BCL2L13: variants seen among roughly 807,000 people sequenced by gnomAD.
BCL2L13 encodes the protein BCL2 like 13.
A neutral mutation model predicts 25.8 loss-of-function variants in BCL2L13; 13 were observed. That is an observed-to-expected ratio of 0.50 (90% CI 0.33 to 0.80). The LOEUF (loss-of-function observed/expected upper bound fraction) is 0.80, where lower values mean the gene tolerates loss of function less well. BCL2L13 is among the 30% of genes least tolerant of loss of function. The pLI, the probability that BCL2L13 is intolerant of heterozygous loss-of-function variation, is 0.02. For missense variants in BCL2L13, 504 were observed against 574.9 expected (o/e 0.88, Z 1.26); for synonymous variants, 244 against 230.3 (o/e 1.06, Z -0.54).
chr22:17,660,002 C>A lies in BCL2L13; in HGVS notation c.121+4170C>A, dbSNP rs1002082502. ...TCCCGAGTAGCTGGGACTACAGGCA[C>A]GCGCCACTGCGCCGAGCTCATTTTT... On this transcript the variant is annotated intron_variant, in intron 2 of 6. Transcript: ENST00000317582. Among the ~76,000 whole-genome samples, 38 of 146,008 alleles carry A rather than the reference C, an allele frequency of 2.6e-4. 2 individuals carry two copies. Among genetic ancestry groups the A allele is most frequent in the Non-Finnish European group, 3.1e-5 (2 of 64,204 alleles).
At chr22:17,681,424 G>C (rs1404308203) in intron 2 of BCL2L13, among the ~76,000 whole-genome samples, 1 of 151,826 alleles carries the variant, frequency 6.6e-6, no homozygotes, top group African/African-American at 2.4e-5. Flanking sequence ...GCGTGAACCT[G>C]GGAGGCGGAG....
At chr22:17,642,739 A>G (rs1191875393) in intron 1 of BCL2L13, among the ~76,000 whole-genome samples, 2 of 151,904 alleles carry the variant, frequency 1.3e-5, no homozygotes, top group Non-Finnish European at 2.9e-5. Context: ...GATTATGGGC[A>G]CACACCACCA....
chr22:17,641,956 C>T (rs534916791), intron 1 of BCL2L13, among the ~76,000 whole-genome samples: 6 of 151,702 alleles, frequency 4.0e-5, no homozygotes, highest in African/African-American at 1.2e-4. Flanking sequence ...CCCGCCACCA[C>T]GCCCGGCTGA....
At chr22:17,683,881 A>G (rs955465481) in intron 3 of BCL2L13, among the ~76,000 whole-genome samples, 1 of 127,012 alleles carries the variant, frequency 7.9e-6, no homozygotes, top group Non-Finnish European at 1.7e-5. Context: ...TATTATTATT[A>G]TTACTATTTC....
At chr22:17,660,767 G>GT (rs1218524382) in intron 2 of BCL2L13, among the ~76,000 whole-genome samples, 1 of 145,856 alleles carries the variant, frequency 6.9e-6, no homozygotes, top group Non-Finnish European at 1.6e-5. Context: ...CTTTTGTAAT[G>GT]TTTTTTATTA....
upstream of BCL2L13, chr22:17,638,698 C>T: frequency 8.1e-7 from 1 of 1,231,688 alleles, no homozygotes; most frequent in Middle Eastern, 3.1e-4. Flanking sequence ...TTCCGGATGT[C>T]AGGTAGTTCA....
intron 3 of BCL2L13, among the ~76,000 whole-genome samples, chr22:17,683,844 C>CATTATT (rs57407987): frequency 0.01 from 1,504 of 144,402 alleles, 20 homozygotes; most frequent in African/African-American, 0.032. Context: ...TCAGTCATTC[C>CATTATT]ATTATTATTA....
chr22:17,687,356 T>G (rs927154565), intron 3 of BCL2L13, among the ~76,000 whole-genome samples: 14 of 152,136 alleles, frequency 9.2e-5, no homozygotes, highest in Non-Finnish European at 1.5e-4. Flanking sequence ...GGTTATTTTT[T>G]GGGGAGACAG....
In BCL2L13 at chr22:17,655,698, C is replaced by T. The variant is rs781162429; in HGVS notation, c.-14C>T. 2 of 1,608,700 alleles carry T rather than the reference C, an allele frequency of 1.2e-6. No individual in the cohort carries two copies. The highest frequency in any genetic ancestry group is 1.7e-6 in the Non-Finnish European group (2 of 1,178,016). On this transcript the variant is annotated 5_prime_UTR_variant, in exon 2 of 7. Transcript: ENST00000317582. ...CCATAAGTAGACCTTTTTGGAGCCT[C>T]ACCAGCCAATTCAATGGCGTCCTCT...
In BCL2L13 at chr22:17,701,359, C is replaced by T. The variant is rs765972042; in HGVS notation, c.457-884C>T. Among the ~76,000 whole-genome samples, 3 of 152,140 alleles carry T rather than the reference C, an allele frequency of 2.0e-5. No homozygotes were observed. In the South Asian group the frequency reaches 6.2e-4, roughly 32 times the overall value. On this transcript the variant is annotated intron_variant, in intron 5 of 6. Transcript: ENST00000317582. ...TTTCTCTCATCCTTGTTGCCAGTCA[C>T]CTAGTTCCCTTCCTTTTAGGCAACC... is the stretch of plus-strand genomic sequence containing the variant.
intron 2 of BCL2L13, among the ~76,000 whole-genome samples, chr22:17,680,536 A>G (rs940781914): frequency 6.5e-5 from 5 of 76,928 alleles, no homozygotes; most frequent in Non-Finnish European, 1.2e-4. Context: ...AAAAAAAAAA[A>G]AAAAAGAAAA....
At chr22:17,638,987 A>G in intron 1 of BCL2L13, 101 bp downstream of exon 1, 1 of 980,150 alleles carries the variant, frequency 1.0e-6, no homozygotes, top group South Asian at 5.4e-5. Context: ...CCGACTCCCC[A>G]GTGGTTCCGA....
intron 2 of BCL2L13, among the ~76,000 whole-genome samples, chr22:17,659,616 A>G (rs577904626): frequency 2.1e-5 from 3 of 144,144 alleles, no homozygotes; most frequent in African/African-American, 7.3e-5. Context: ...AACCGAGATC[A>G]TGCCACTGCA....
chr22:17,696,064 G>C, intron 4 of BCL2L13, 77 bp from the exon 5 acceptor site: 1 of 1,035,444 alleles, frequency 9.7e-7, no homozygotes, highest in East Asian at 2.4e-5. Flanking sequence ...CAACAGAGTA[G>C]TGACTGTATA....
chr22:17,709,797 G>C (rs1048429704), intron 6 of BCL2L13, among the ~76,000 whole-genome samples: 6 of 151,890 alleles, frequency 4.0e-5, no homozygotes, highest in African/African-American at 1.4e-4. Context: ...AACATTGACC[G>C]GGTGCAGTGG....
At chr22:17,659,420 G>A (rs1163534290) in intron 2 of BCL2L13, among the ~76,000 whole-genome samples, 5 of 145,142 alleles carry the variant, frequency 3.4e-5, no homozygotes, top group African/African-American at 4.9e-5. Context: ...CCAGCATTTC[G>A]GGAGGCTGAG....
chr22:17,694,424 G>C (rs1325987073), intron 4 of BCL2L13, among the ~76,000 whole-genome samples: 1 of 152,154 alleles, frequency 6.6e-6, no homozygotes, highest in South Asian at 2.1e-4. Context: ...TGTAATCCCA[G>C]CTAGCACTGA....
Position 17,659,608 on chromosome 22 carries a change from C to G in BCL2L13, c.121+3776C>G, listed in dbSNP as rs940790212. On this transcript the variant is annotated intron_variant, in intron 2 of 6. Coordinates refer to ENST00000317582, the MANE Select transcript of BCL2L13 (RefSeq NM_015367.4). Reference sequence around the variant, plus strand: ...CTCAGGAGGTGGAGCTTGCAGTGAACCGAGATCATGCCACTGCACTCCAGC... The same window carrying G: ...CTCAGGAGGTGGAGCTTGCAGTGAAGCGAGATCATGCCACTGCACTCCAGC... Among the ~76,000 whole-genome samples the G allele has an allele frequency of 1.4e-5, 2 of 145,184 alleles. 1 individual carries two copies. Among genetic ancestry groups the G allele is most frequent in the Non-Finnish European group, 3.1e-5 (2 of 63,916 alleles).
intron 1 of BCL2L13, among the ~76,000 whole-genome samples, chr22:17,644,838 T>G (rs2058418755): frequency 1.4e-5 from 2 of 147,872 alleles, no homozygotes; most frequent in South Asian, 4.2e-4. Flanking sequence ...TGAGACGGAG[T>G]CTTGCTCTGT....
Sources: gnomAD v4.1 joint callset for allele counts (sites outside exome capture counted in the v4.1 genomes callset) on GRCh38, gnomAD v4.1.1 for gene constraint, MANE v1.5 for transcripts, NCBI Gene and HGNC (gene_info 2026-07-23, HGNC 2026-07-21) for gene names.